The following CDK19 variants were observed in gnomAD, a reference collection of about 807,000 sequenced individuals.
CDK19 encodes the protein cyclin-dependent kinase 19.
CDK19 carries 20 observed loss-of-function variants against 68.3 expected under a neutral mutation model. The observed-to-expected ratio is 0.29, with a 90% CI of 0.21 to 0.43. The LOEUF is 0.43. Among genes scored for constraint, CDK19 ranks in the 20% least tolerant of loss-of-function variants. The pLI is 1.00. For synonymous variants in CDK19, 221 were observed against 222.8 expected (o/e 0.99, Z 0.07); for missense variants, 339 against 623.5 (o/e 0.54, Z 4.86).
intron 4 of CDK19, among the ~76,000 whole-genome samples, chr6:110,654,372 C>T (rs982169331): frequency 1.3e-5 from 2 of 152,152 alleles, no homozygotes; most frequent in African/African-American, 4.8e-5. Context: ...ATCATAACTG[C>T]TTACCCCTTA....
At chr6:110,682,584 G>A (rs1382788130) in intron 2 of CDK19, among the ~76,000 whole-genome samples, 2 of 152,124 alleles carry the variant, frequency 1.3e-5, no homozygotes, top group African/African-American at 2.4e-5. Context: ...GGTTCAAGGT[G>A]GCCCTAAATC....
chr6:110,663,927 TA>T (rs1781764139), intron 4 of CDK19, among the ~76,000 whole-genome samples: 1 of 152,302 alleles, frequency 6.6e-6, no homozygotes, highest in South Asian at 2.1e-4. Flanking sequence ...CTATACTACG[TA>T]AGAACCATAT....
At chr6:110,755,057 T>G (rs1778744695) in intron 1 of CDK19, among the ~76,000 whole-genome samples, 1 of 149,880 alleles carries the variant, frequency 6.7e-6, no homozygotes, top group Non-Finnish European at 1.5e-5. Context: ...TTTTTTTTTT[T>G]GAGATGAAGT....
intron 1 of CDK19, among the ~76,000 whole-genome samples, chr6:110,775,577 G>A (rs1780341085): frequency 6.6e-6 from 1 of 152,058 alleles, no homozygotes; most frequent in Admixed American, 6.6e-5. Context: ...AAATATGAAA[G>A]GCTTTTCAGA....
rs553947620 is a variant in CDK19, at chr6:110,708,399, G to A, written c.204+37727C>T. On this transcript the variant is annotated intron_variant, in intron 2 of 12. Transcript: ENST00000368911. ...CCTGCAGCTGCAGCACATAGGATGTGCACTGGAGAGCTGGTTCCCTCCCCC... is the reference window on the plus strand; with the variant it reads ...CCTGCAGCTGCAGCACATAGGATGTACACTGGAGAGCTGGTTCCCTCCCCC... Among the ~76,000 whole-genome samples the A allele has an allele frequency of 2.6e-5, 4 of 152,312 alleles. 1 individual carries two copies. In the South Asian group the frequency reaches 8.3e-4, roughly 32 times the overall value.
At chr6:110,664,771 T>G (rs1781820543) in intron 4 of CDK19, among the ~76,000 whole-genome samples, 1 of 151,658 alleles carries the variant, frequency 6.6e-6, no homozygotes. Flanking sequence ...ATAACAGAAG[T>G]AAAGATGCAG....
intron 2 of CDK19, among the ~76,000 whole-genome samples, chr6:110,736,538 TTA>T (rs2114828679): frequency 6.6e-6 from 1 of 152,302 alleles, no homozygotes; most frequent in East Asian, 1.9e-4. Flanking sequence ...ATATCTTTTT[TTA>T]GTTTTATCAC....
At chr6:110,783,918 G>T (rs1400796831) in intron 1 of CDK19, among the ~76,000 whole-genome samples, 2 of 151,958 alleles carry the variant, frequency 1.3e-5, no homozygotes, top group Non-Finnish European at 2.9e-5. Context: ...CCAGCATTTT[G>T]GGAGGCCGAA....
chr6:110,658,821 A>G (rs1781456811), intron 4 of CDK19, among the ~76,000 whole-genome samples: 2 of 152,176 alleles, frequency 1.3e-5, no homozygotes, highest in South Asian at 4.1e-4. Flanking sequence ...GGGGAAAAAG[A>G]GGTTAAAGAA....
intron 1 of CDK19, among the ~76,000 whole-genome samples, chr6:110,750,377 C>T (rs1261802969): frequency 1.3e-5 from 2 of 152,094 alleles, no homozygotes; most frequent in Admixed American, 6.5e-5. Flanking sequence ...CCAGCTCTTC[C>T]AATTCTTCAT....
chr6:110,735,144 G>C (rs990687231), intron 2 of CDK19, among the ~76,000 whole-genome samples: 3 of 149,604 alleles, frequency 2.0e-5, no homozygotes, highest in Admixed American at 6.7e-5. Flanking sequence ...ACTGGGTCTT[G>C]CTATTTTGCC....
At chr6:110,719,972 G>GCTCCCCCCCCCCCCCC (rs1554211507) in intron 2 of CDK19, among the ~76,000 whole-genome samples, 100 of 45,514 alleles carry the variant, frequency 2.2e-3, no homozygotes, top group Non-Finnish European at 2.6e-3. Flanking sequence ...CTTGTGATCC[G>GCTCCCCCCCCCCCCCC]CCCCCCCCCC....
At chr6:110,745,748 T>C (rs1332206397) in intron 2 of CDK19, among the ~76,000 whole-genome samples, 1 of 152,058 alleles carries the variant, frequency 6.6e-6, no homozygotes, top group Non-Finnish European at 1.5e-5. Flanking sequence ...GAGAGGATCA[T>C]TTGAGCCCAG....
chr6:110,619,480 G>A (rs906801001), intron 12 of CDK19, among the ~76,000 whole-genome samples: 2 of 151,682 alleles, frequency 1.3e-5, no homozygotes, highest in Non-Finnish European at 2.9e-5. Context: ...CAAAGAGGCT[G>A]GAGGGAAGTT....
intron 1 of CDK19, among the ~76,000 whole-genome samples, chr6:110,789,594 T>C (rs929028956): frequency 2.6e-5 from 4 of 152,122 alleles, no homozygotes; most frequent in African/African-American, 7.2e-5. Context: ...ACTTTATTTT[T>C]AGACAGGGTC....
At chr6:110,797,110 G>C (rs1490742042) in intron 1 of CDK19, among the ~76,000 whole-genome samples, 1 of 152,046 alleles carries the variant, frequency 6.6e-6, no homozygotes, top group Non-Finnish European at 1.5e-5. Context: ...GGGAGGCCAA[G>C]GTGGGTGGAT....
intron 2 of CDK19, among the ~76,000 whole-genome samples, chr6:110,696,676 C>A (rs1773512036): frequency 6.6e-6 from 1 of 152,152 alleles, no homozygotes; most frequent in South Asian, 2.1e-4. Flanking sequence ...AATCCCAGCA[C>A]TTTGGGAAGC....
intron 1 of CDK19, among the ~76,000 whole-genome samples, chr6:110,749,817 G>GC (rs1554218100): frequency 6.8e-6 from 1 of 146,126 alleles, no homozygotes; most frequent in Non-Finnish European, 1.5e-5. Flanking sequence ...CTGTTGCTCA[G>GC]GCTGGAGTGC....
rs1303269845 is a variant in CDK19, at chr6:110,621,738, G to A, written c.1110+350C>T. 6.6e-6 allele frequency among the ~76,000 whole-genome samples: 1 copy of A among 152,234 alleles called. No homozygotes were observed. The highest frequency in any genetic ancestry group is 1.5e-5 in the Non-Finnish European group (1 of 68,036). On this transcript the variant is annotated intron_variant, in intron 11 of 12. Coordinates refer to ENST00000368911, the MANE Select transcript of CDK19 (RefSeq NM_015076.5). The surrounding 1 kb of genome is among the most constrained non-coding windows in gnomAD (Gnocchi z 5.4). Reference sequence around the variant, plus strand: ...CTGGAAAGGCAGAGCGGTCTGGAGAGTGAGCCAATATATCCAGTTAAGACG... The same window carrying A: ...CTGGAAAGGCAGAGCGGTCTGGAGAATGAGCCAATATATCCAGTTAAGACG...
Sources: gnomAD v4.1 joint callset for allele counts (sites outside exome capture counted in the v4.1 genomes callset) on GRCh38, gnomAD v4.1.1 for gene constraint, Gnocchi (gnomAD v3.1) non-coding constraint, MANE v1.5 for transcripts, NCBI Gene and HGNC (gene_info 2026-07-23, HGNC 2026-07-21) for gene names.